Variants in ATXN7L1 observed in about 807,000 individuals in gnomAD.
ATXN7L1 encodes the protein ataxin-7-like protein 1.
ATXN7L1 carries 15 observed loss-of-function variants against 70.8 expected under a neutral mutation model. The ratio of observed to expected loss-of-function variants is 0.21; its 90% CI spans 0.14 to 0.33. ATXN7L1 has a LOEUF of 0.33. Among genes scored for constraint, ATXN7L1 ranks in the 10% least tolerant of loss-of-function variants. The pLI is 1.00. For synonymous variants in ATXN7L1, 440 were observed against 445.1 expected (o/e 0.99, Z 0.14); for missense variants, 975 against 1,097.1 (o/e 0.89, Z 1.57).
intron 2 of ATXN7L1, among the ~76,000 whole-genome samples, chr7:105,849,860 C>T (rs1004886668): frequency 2.0e-5 from 3 of 152,256 alleles, no homozygotes; most frequent in African/African-American, 4.8e-5. Flanking sequence ...CAAGTTCACA[C>T]ATACCTGCAC....
At chr7:105,741,206 GC>G (rs1159289551) in intron 3 of ATXN7L1, among the ~76,000 whole-genome samples, 1 of 152,086 alleles carries the variant, frequency 6.6e-6, no homozygotes, top group Non-Finnish European at 1.5e-5. Context: ...GGCACTGTGG[GC>G]CTCCTCTCAG....
intron 4 of ATXN7L1, among the ~76,000 whole-genome samples, chr7:105,664,563 A>ATTTGTG (rs1584603954): frequency 7.4e-6 from 1 of 134,736 alleles, no homozygotes; most frequent in African/African-American, 3.0e-5. Context: ...TATATATATT[A>ATTTGTG]TGTATGTGTG....
At chr7:105,807,338 T>C (rs746451722) in intron 2 of ATXN7L1, among the ~76,000 whole-genome samples, 3 of 152,206 alleles carry the variant, frequency 2.0e-5, no homozygotes, top group Non-Finnish European at 4.4e-5. Context: ...TGTGCAGAAT[T>C]TGAACACTGT....
intron 2 of ATXN7L1, among the ~76,000 whole-genome samples, chr7:105,845,210 A>C: frequency 9.7e-6 from 1 of 103,208 alleles, no homozygotes; most frequent in East Asian, 6.8e-4. Flanking sequence ...GTCTCAAAAA[A>C]AAAAAAAAAA....
At chr7:105,807,793 A>G (rs979998665) in intron 2 of ATXN7L1, among the ~76,000 whole-genome samples, 3 of 152,214 alleles carry the variant, frequency 2.0e-5, no homozygotes, top group Non-Finnish European at 4.4e-5. Flanking sequence ...CAGACAGGTG[A>G]GGGAGGGCCT....
chr7:105,794,600 C>T (rs774519281), intron 2 of ATXN7L1, among the ~76,000 whole-genome samples: 16 of 152,174 alleles, frequency 1.1e-4, no homozygotes, highest in East Asian at 3.8e-4. Flanking sequence ...CATACTGGGA[C>T]GCAGACAGGT....
At chr7:105,688,667 C>G (rs532745) in intron 3 of ATXN7L1, among the ~76,000 whole-genome samples, 123,928 of 152,218 alleles carry the variant, frequency 0.81, 50,726 homozygotes, top group South Asian at 0.9. Flanking sequence ...AGACTCTTTT[C>G]GCCTCATTTC....
intron 7 of ATXN7L1, among the ~76,000 whole-genome samples, chr7:105,631,978 C>T (rs1397724614): frequency 6.6e-6 from 1 of 152,182 alleles, no homozygotes; most frequent in Non-Finnish European, 1.5e-5. Flanking sequence ...CTTTGAGAAA[C>T]TGAATGGCCC....
At chr7:105,639,275 T>G (rs1028303636) in intron 6 of ATXN7L1, among the ~76,000 whole-genome samples, 1 of 147,526 alleles carries the variant, frequency 6.8e-6, no homozygotes, top group South Asian at 2.4e-4. Flanking sequence ...AAGCCTAGTT[T>G]TTTTTTTTTT....
At chr7:105,687,876 C>A (rs1790161954) in intron 3 of ATXN7L1, among the ~76,000 whole-genome samples, 1 of 152,172 alleles carries the variant, frequency 6.6e-6, no homozygotes. Context: ...GAGACCCACA[C>A]CACTACCTCA....
intron 3 of ATXN7L1, among the ~76,000 whole-genome samples, chr7:105,777,708 C>T (rs933586441): frequency 2.6e-5 from 4 of 152,202 alleles, no homozygotes; most frequent in African/African-American, 7.2e-5. Context: ...TAGCTCCTTC[C>T]GGGTCTCCTG....
intron 3 of ATXN7L1, among the ~76,000 whole-genome samples, chr7:105,693,238 C>G (rs1791248583): frequency 6.6e-6 from 1 of 152,110 alleles, no homozygotes; most frequent in Non-Finnish European, 1.5e-5. Context: ...CTTGCCCAGG[C>G]TGGAGTGCAG....
intron 3 of ATXN7L1, among the ~76,000 whole-genome samples, chr7:105,739,467 G>A (rs1366073349): frequency 1.3e-5 from 2 of 152,128 alleles, no homozygotes; most frequent in Non-Finnish European, 2.9e-5. Flanking sequence ...GGGCTAGCCA[G>A]GGCAACCACA....
intron 3 of ATXN7L1, among the ~76,000 whole-genome samples, chr7:105,693,771 C>T (rs1247931545): frequency 3.3e-5 from 5 of 152,156 alleles, no homozygotes. Context: ...CAGGAACCCA[C>T]ATAGTGGCTT....
At chr7:105,786,311 T>C (rs1319184593) in intron 3 of ATXN7L1, among the ~76,000 whole-genome samples, 1 of 152,190 alleles carries the variant, frequency 6.6e-6, no homozygotes, top group East Asian at 1.9e-4. Context: ...TCTTGGCTCT[T>C]ATGCCAAGAG....
chr7:105,682,790 G>A (rs1805703043), intron 3 of ATXN7L1, among the ~76,000 whole-genome samples: 2 of 152,322 alleles, frequency 1.3e-5, no homozygotes, highest in African/African-American at 2.4e-5. Flanking sequence ...ATGTGGTGGG[G>A]GAGGGGGAAT....
chr7:105,679,271 C>T, intron 3 of ATXN7L1: 1 of 487,184 alleles, frequency 2.1e-6, no homozygotes, highest in Non-Finnish European at 2.7e-6. Flanking sequence ...GGCAGATGAA[C>T]TTGGGTATTC....
At chr7:105,812,374 GTC>G (rs1349200402) in intron 2 of ATXN7L1, among the ~76,000 whole-genome samples, 1 of 152,180 alleles carries the variant, frequency 6.6e-6, no homozygotes, top group East Asian at 1.9e-4. Context: ...TGATTTCCAA[GTC>G]TCAAGAATAG....
chr7:105,729,998 A>G (rs1385559169), intron 3 of ATXN7L1, among the ~76,000 whole-genome samples: 2 of 151,698 alleles, frequency 1.3e-5, no homozygotes, highest in Non-Finnish European at 2.9e-5. Flanking sequence ...CGGCCTCCCA[A>G]AGTGCTGGGA....
Sources: allele counts gnomAD v4.1 joint callset (sites outside exome capture counted in the v4.1 genomes callset), GRCh38; gene constraint gnomAD v4.1.1; transcripts MANE v1.5; gene names NCBI Gene and HGNC (gene_info 2026-07-23, HGNC 2026-07-21).